Variants in ARID1B observed in about 807,000 individuals in gnomAD.
ARID1B encodes AT-rich interactive domain-containing protein 1B.
ARID1B carries 30 observed loss-of-function variants against 212.3 expected under a neutral mutation model. The ratio of observed to expected loss-of-function variants is 0.14; its 90% CI spans 0.11 to 0.19. The LOEUF is 0.19. ARID1B is among the 10% of genes least tolerant of loss of function. The pLI is 1.00. For missense variants in ARID1B, 2,891 were observed against 3,204.0 expected, an observed-to-expected ratio of 0.90 and a Z score of 2.36; for synonymous variants, 1,402 against 1,301.7, an observed-to-expected ratio of 1.08 and a Z score of -1.66.
At chr6:156,878,362 G>A (rs1205880797) in intron 2 of ARID1B, among the ~76,000 whole-genome samples, 1 of 152,170 alleles carries the variant, frequency 6.6e-6, no homozygotes. Flanking sequence ...ACCACACCAT[G>A]AGGATGCTGC....
chr6:157,065,718 G>A (rs998233526), intron 4 of ARID1B, among the ~76,000 whole-genome samples: 2 of 152,344 alleles, frequency 1.3e-5, no homozygotes, highest in East Asian at 1.9e-4. Context: ...GAAGAATTTA[G>A]CGTACATTAG....
intron 7 of ARID1B, among the ~76,000 whole-genome samples, chr6:157,134,631 G>A (rs1411001479): frequency 6.6e-6 from 1 of 152,184 alleles, no homozygotes. Context: ...TCAGTGCCCG[G>A]TAACTATGAC....
intron 4 of ARID1B, among the ~76,000 whole-genome samples, chr6:156,963,607 T>C (rs896578811): frequency 1.3e-5 from 2 of 152,234 alleles, no homozygotes; most frequent in Non-Finnish European, 2.9e-5. Flanking sequence ...ATCTTTAGTG[T>C]TCAGAATGAT....
At chr6:156,950,224 G>T (rs953204343) in intron 4 of ARID1B, among the ~76,000 whole-genome samples, 1 of 152,196 alleles carries the variant, frequency 6.6e-6, no homozygotes, top group Non-Finnish European at 1.5e-5. Context: ...CATAGGTACA[G>T]ATCTACTTGG....
At chr6:156,899,577 G>C (rs1276573514) in intron 2 of ARID1B, among the ~76,000 whole-genome samples, 1 of 152,002 alleles carries the variant, frequency 6.6e-6, no homozygotes, top group Non-Finnish European at 1.5e-5. Context: ...TTGCTCCAGT[G>C]AAGATTTCTT....
rs147874400 is a variant in ARID1B at position 157,056,817 on chromosome 6, T to G, written c.2248-27845T>G. Among the ~76,000 whole-genome samples, 706 of 152,102 alleles carry G rather than the reference T, an allele frequency of 4.6e-3. 5 individuals carry two copies. Among genetic ancestry groups the G allele is most frequent in the African/African-American group, 0.016 (664 of 41,544 alleles). ...AATTGAATTTTGTTTAATTTTTTTT[T>G]TTGTTAAAAACTTTTCTTAAAAAGC... On this transcript the variant is annotated intron_variant, in intron 4 of 19. Coordinates refer to ENST00000636930, the MANE Select transcript of ARID1B (RefSeq NM_001374828.1).
In ARID1B at chr6:157,028,053, C is replaced by CTGTGTG. The variant is rs1353957116; in HGVS notation, c.2248-56605_2248-56600dup. ...TAGCATAAGACATTGGCTTCATAAACTGTGTGTGTATGTGTGTGTGTGTGT... is the reference window on the plus strand; with the variant it reads ...TAGCATAAGACATTGGCTTCATAAACTGTGTGTGTGTGTGTATGTGTGTGTGTGTGT... On this transcript the variant is annotated intron_variant, in intron 4 of 19. Coordinates refer to ENST00000636930, the MANE Select transcript of ARID1B (RefSeq NM_001374828.1). Among the ~76,000 whole-genome samples the CTGTGTG allele has an allele frequency of 1.1e-4, 17 of 152,112 alleles. 1 individual carries two copies. The highest frequency in any genetic ancestry group is 4.1e-4 in the African/African-American group (17 of 41,516).
At chr6:157,176,750 G>A (rs889748712) in intron 11 of ARID1B, among the ~76,000 whole-genome samples, 10 of 152,292 alleles carry the variant, frequency 6.6e-5, no homozygotes, top group Admixed American at 2.6e-4. Flanking sequence ...GGAGGCTGAG[G>A]CAGGAAAATC....
chr6:156,940,486 A>T (rs1488213020), intron 4 of ARID1B: 1 of 152,220 alleles, frequency 6.6e-6, no homozygotes, highest in Non-Finnish European at 1.5e-5. Flanking sequence ...AGGAGGTAGT[A>T]AATGCTGGTC....
At chr6:157,077,168 T>A (rs1784361597) in intron 4 of ARID1B, among the ~76,000 whole-genome samples, 1 of 152,230 alleles carries the variant, frequency 6.6e-6, no homozygotes, top group African/African-American at 2.4e-5. Context: ...AATTTTGTTG[T>A]CATTGTGTTA....
chr6:157,162,458 G>A (rs987792921), intron 8 of ARID1B, among the ~76,000 whole-genome samples: 7 of 152,160 alleles, frequency 4.6e-5, no homozygotes, highest in African/African-American at 1.4e-4. Flanking sequence ...AATCTCCAAA[G>A]TGAATAAAAG....
chr6:156,778,922 AGGAGGAGCAGGAGCG>A lies in ARID1B; in HGVS notation c.1247_1261del (p.Gly416_Gly420del). ...GAGGAGGAGGAGGAGGAGCAGGAGC[AGGAGGAGCAGGAGCG>A]GGAGCTGTGGCGGCGGCGGCCGCGG... On this transcript the variant is annotated inframe_deletion, in exon 1 of 20. Coordinates refer to ENST00000636930, the MANE Select transcript of ARID1B (RefSeq NM_001374828.1). 2.3e-6 allele frequency: 3 copies of A among 1,317,726 alleles called. No homozygotes were observed. The highest frequency in any genetic ancestry group is 1.9e-6 in the Non-Finnish European group (2 of 1,040,350). 81.6% of individuals were successfully genotyped at this position (1,317,726 alleles called of 1,614,324 possible).
At chr6:156,932,442 A>AT (rs1036308854) in intron 3 of ARID1B, among the ~76,000 whole-genome samples, 1 of 151,654 alleles carries the variant, frequency 6.6e-6, no homozygotes, top group African/African-American at 2.4e-5. Context: ...AAATGTAATT[A>AT]TTTATATGTG....
chr6:156,804,249 A>T (rs948059336), intron 1 of ARID1B, among the ~76,000 whole-genome samples: 2 of 151,902 alleles, frequency 1.3e-5, no homozygotes, highest in Non-Finnish European at 2.9e-5. Flanking sequence ...AGGCAGGAGA[A>T]TCACTTGAAC....
intron 9 of ARID1B, chr6:157,173,798 CT>C (rs1232528914): frequency 1.3e-4 from 61 of 476,824 alleles, no homozygotes; most frequent in South Asian, 2.2e-4. Context: ...AATGACTGCC[CT>C]TTTTTTTAGA....
chr6:157,150,750 T>G (rs1790136480), intron 8 of ARID1B: 1 of 180,998 alleles, frequency 5.5e-6, no homozygotes, highest in African/African-American at 2.4e-5. Context: ...GTCGCCTGCT[T>G]ATCCCAGCCA....
chr6:157,208,019 T>TA lies in ARID1B; in HGVS notation c.*129dup, dbSNP rs1240418765. On this transcript the variant is annotated 3_prime_UTR_variant, in exon 20 of 20. Coordinates refer to ENST00000636930, the MANE Select transcript of ARID1B (RefSeq NM_001374828.1). ...ATCTTTGCTCCTCTGCCCCATTCACTATTTACCAATTGGGAATTAAAGAAA... is the reference window on the plus strand; with the variant it reads ...ATCTTTGCTCCTCTGCCCCATTCACTAATTTACCAATTGGGAATTAAAGAAA... 42 of 961,444 alleles carry TA rather than the reference T, an allele frequency of 4.4e-5. No individual in the cohort carries two copies. The highest frequency in any genetic ancestry group is 2.7e-5 in the Non-Finnish European group (19 of 705,894). 59.6% of individuals were successfully genotyped at this position (961,444 alleles called of 1,614,324 possible).
intron 2 of ARID1B, among the ~76,000 whole-genome samples, chr6:156,896,995 G>A (rs1251512519): frequency 6.6e-6 from 1 of 152,196 alleles, no homozygotes; most frequent in Admixed American, 6.5e-5. Context: ...TGAAAAATGA[G>A]TCCTGACCCT....
chr6:156,891,557 G>C (rs1408509600), intron 2 of ARID1B, among the ~76,000 whole-genome samples: 1 of 152,162 alleles, frequency 6.6e-6, no homozygotes, highest in Non-Finnish European at 1.5e-5. Context: ...ACCACAAACA[G>C]ATTCTCACAT....
Sources: allele counts gnomAD v4.1 joint callset (sites outside exome capture counted in the v4.1 genomes callset), GRCh38; gene constraint gnomAD v4.1.1; transcripts MANE v1.5; gene names NCBI Gene and HGNC (gene_info 2026-07-23, HGNC 2026-07-21).